Variants in PACRG observed in about 807,000 individuals in gnomAD.
The protein encoded by PACRG is parkin coregulated, also known as parkin coregulated gene protein.
Under a neutral mutation model 29.7 loss-of-function variants are expected in PACRG, and 29 were observed. That is an observed-to-expected ratio of 0.98 (90% confidence interval 0.73 to 1.33). The LOEUF (loss-of-function observed/expected upper bound fraction) is 1.33. Among genes scored for constraint, PACRG ranks in the 40% most tolerant of loss-of-function variants. The pLI is 0.00. For missense variants in PACRG, 279 were observed against 316.2 expected (o/e 0.88, Z 0.89); for synonymous variants, 116 against 118.7 (o/e 0.98, Z 0.15).
chr6:163,273,894 A>G (rs754196328), intron 4 of PACRG, among the ~76,000 whole-genome samples: 10 of 152,188 alleles, frequency 6.6e-5, no homozygotes, highest in Admixed American at 6.5e-4. Flanking sequence ...TTTTTGAGTT[A>G]GTTTAATTCC....
At chr6:163,306,268 G>C (rs1785194536) in intron 4 of PACRG, among the ~76,000 whole-genome samples, 1 of 152,160 alleles carries the variant, frequency 6.6e-6, no homozygotes, top group South Asian at 2.1e-4. Context: ...TTAACTCTCT[G>C]CTCTTTTTTT....
At position 162,937,895 on chromosome 6, in the gene PACRG, T is replaced by A. The variant is rs115830003; in HGVS notation, c.291+123614T>A. Among the ~76,000 whole-genome samples, 778 of 148,700 alleles carry A rather than the reference T, an allele frequency of 5.2e-3. 11 individuals carry two copies. Among genetic ancestry groups the A allele is most frequent in the African/African-American group, 0.019 (747 of 39,304 alleles). On this transcript the variant is annotated intron_variant, in intron 2 of 4. Coordinates refer to ENST00000366888, the MANE Select transcript of PACRG (RefSeq NM_001080379.2). The stretch of plus-strand genomic sequence containing the variant: ...TTGGGGTTTATTTGCAGTCATTTTT[T>A]AATTTTTTTTTTTATTTTCATAGGT...
chr6:162,764,947 T>C (rs928706752), intron 1 of PACRG, among the ~76,000 whole-genome samples: 14 of 152,132 alleles, frequency 9.2e-5, no homozygotes, highest in African/African-American at 3.1e-4. Flanking sequence ...GGTTTCACCA[T>C]GTTGGTCAGG....
chr6:163,113,410 C>A (rs112576630), intron 4 of PACRG, among the ~76,000 whole-genome samples: 6 of 152,176 alleles, frequency 3.9e-5, no homozygotes, highest in African/African-American at 1.4e-4. Context: ...GTTCAACAAA[C>A]TCTAAGTAGG....
chr6:163,083,606 A>G (rs1033914447), intron 3 of PACRG, among the ~76,000 whole-genome samples: 1 of 152,204 alleles, frequency 6.6e-6, no homozygotes. Flanking sequence ...GGGTTTCACA[A>G]GTTGAACATT....
At chr6:163,072,359 T>C (rs1234969990) in intron 3 of PACRG, among the ~76,000 whole-genome samples, 11 of 152,208 alleles carry the variant, frequency 7.2e-5, no homozygotes, top group African/African-American at 1.9e-4. Context: ...ACAAAAAGCC[T>C]ATGATCCTTT....
In PACRG at chr6:162,762,700, T is replaced by C. The variant is rs980658323; in HGVS notation, c.156+34309T>C. ...TATTTCACATTATGTGAATAGGTGG[T>C]TATTTGTATCTTGTTGCATGCTAAA... On this transcript the variant is annotated intron_variant, in intron 1 of 4. Coordinates refer to ENST00000366888, the MANE Select transcript of PACRG (RefSeq NM_001080379.2). 2.6e-5 allele frequency among the ~76,000 whole-genome samples: 4 copies of C among 152,342 alleles called. No individual in the cohort carries two copies. The East Asian group carries it at 7.7e-4, about 29-fold the overall frequency.
chr6:162,829,290 A>G (rs1289124123), intron 2 of PACRG, among the ~76,000 whole-genome samples: 1 of 152,264 alleles, frequency 6.6e-6, no homozygotes, highest in African/African-American at 2.4e-5. Context: ...ACACATTCAG[A>G]TGGAGTCACA....
At chr6:162,969,127 T>C (rs887473519) in intron 2 of PACRG, among the ~76,000 whole-genome samples, 1 of 150,264 alleles carries the variant, frequency 6.7e-6, no homozygotes, top group African/African-American at 2.4e-5. Flanking sequence ...TAGACACTAA[T>C]AGAGGTCCGG....
At chr6:163,241,944 G>A (rs897400874) in intron 4 of PACRG, among the ~76,000 whole-genome samples, 5 of 152,146 alleles carry the variant, frequency 3.3e-5, no homozygotes, top group African/African-American at 9.7e-5. Context: ...GAAAGTGAAG[G>A]GGGAGACGTG....
At chr6:162,825,968 C>T (rs932111848) in intron 2 of PACRG, among the ~76,000 whole-genome samples, 3 of 150,870 alleles carry the variant, frequency 2.0e-5, no homozygotes, top group Non-Finnish European at 4.4e-5. Context: ...TTTTTCTTCC[C>T]GTATTTATAG....
chr6:163,006,219 T>TAACCC (rs1805100801), intron 2 of PACRG, among the ~76,000 whole-genome samples: 1 of 145,842 alleles, frequency 6.9e-6, no homozygotes, highest in Non-Finnish European at 1.5e-5. Flanking sequence ...CATATATATA[T>TAACCC]ATATGTATAT....
In PACRG at chr6:162,943,506, T is replaced by G. The variant is rs962558290; in HGVS notation, c.292-118644T>G. 2.0e-5 allele frequency among the ~76,000 whole-genome samples: 3 copies of G among 152,244 alleles called. No individual in the cohort carries two copies. In the East Asian group the frequency reaches 5.8e-4, roughly 30 times the overall value. On this transcript the variant is annotated intron_variant, in intron 2 of 4. Transcript: ENST00000366888. ...GCTGCTGCCACTGAAAAAGCAACCC[T>G]GCTCTCCTCAGTAGCAGGGCCGCAG...
At chr6:162,844,506 A>G (rs1172271313) in intron 2 of PACRG, among the ~76,000 whole-genome samples, 2 of 152,104 alleles carry the variant, frequency 1.3e-5, no homozygotes, top group Non-Finnish European at 2.9e-5. Context: ...GGCACTCCCT[A>G]GTGAGATGAA....
intron 2 of PACRG, among the ~76,000 whole-genome samples, chr6:162,952,328 A>G (rs745582126): frequency 1.7e-4 from 26 of 152,342 alleles, no homozygotes; most frequent in Non-Finnish European, 2.9e-4. Flanking sequence ...CTAGGTATTA[A>G]AACTTAGGAA....
chr6:162,956,396 C>A (rs577142625), intron 2 of PACRG, among the ~76,000 whole-genome samples: 2 of 152,322 alleles, frequency 1.3e-5, no homozygotes, highest in South Asian at 4.1e-4. Context: ...CGATCAGCAG[C>A]TTTGCCCCGC....
rs79014228 is a variant in PACRG, at chr6:162,814,578, A to G, written c.291+297A>G. 5.3e-5 allele frequency among the ~76,000 whole-genome samples: 8 copies of G among 152,282 alleles called. No individual in the cohort carries two copies. The East Asian group carries it at 1.5e-3, about 29-fold the overall frequency. ...CAGCCCGGCCTGTTTCAGGCAGTCC[A>G]TCAAATGATGGAACTGGTGGCTGGA... On this transcript the variant is annotated intron_variant, in intron 2 of 4. Coordinates refer to ENST00000366888, the MANE Select transcript of PACRG (RefSeq NM_001080379.2).
At chr6:162,907,041 C>G (rs867275845) in intron 2 of PACRG, among the ~76,000 whole-genome samples, 6 of 151,748 alleles carry the variant, frequency 4.0e-5, no homozygotes, top group Non-Finnish European at 7.4e-5. Flanking sequence ...TGAAATGCAT[C>G]TTAAGCAGAA....
chr6:162,877,188 C>T (rs1165322364), intron 2 of PACRG, among the ~76,000 whole-genome samples: 1 of 152,138 alleles, frequency 6.6e-6, no homozygotes, highest in African/African-American at 2.4e-5. Context: ...ACCAACCCAA[C>T]TGCCCATCAG....
Sources: gnomAD v4.1 joint callset for allele counts (sites outside exome capture counted in the v4.1 genomes callset) on GRCh38, gnomAD v4.1.1 for gene constraint, MANE v1.5 for transcripts, NCBI Gene and HGNC (gene_info 2026-07-23, HGNC 2026-07-21) for gene names.